The following TRABD2B variants were observed in gnomAD, a reference collection of about 807,000 sequenced individuals.
TRABD2B encodes the protein TraB domain containing 2B.
A neutral mutation model predicts 40.1 loss-of-function variants in TRABD2B; 14 were observed. The ratio of observed to expected loss-of-function variants is 0.35; its 90% CI spans 0.23 to 0.55. TRABD2B has a LOEUF of 0.55. Among genes scored for constraint, TRABD2B ranks in the 20% least tolerant of loss-of-function variants. The probability of loss-of-function intolerance (pLI) is 0.90; values close to 1 mark genes in which losing one functional copy is unlikely to be tolerated. For synonymous variants in TRABD2B, 263 were observed against 277.0 expected (o/e 0.95, Z 0.50); for missense variants, 541 against 648.6 (o/e 0.83, Z 1.80).
intron 2 of TRABD2B, among the ~76,000 whole-genome samples, chr1:47,816,210 T>C (rs1202171712): frequency 6.6e-6 from 1 of 152,222 alleles, no homozygotes; most frequent in Non-Finnish European, 1.5e-5. Context: ...GCCCGGGGTC[T>C]GGGCTGCATC....
chr1:47,909,575 AGGAGGAG>A (rs1186401350), intron 2 of TRABD2B, among the ~76,000 whole-genome samples: 8 of 140,722 alleles, frequency 5.7e-5, no homozygotes, highest in African/African-American at 2.1e-4. Flanking sequence ...GAGGAGGAGG[AGGAGGAG>A]GAGGAGGAGG....
intron 2 of TRABD2B, among the ~76,000 whole-genome samples, chr1:47,992,174 C>A (rs1022780923): frequency 6.6e-6 from 1 of 152,158 alleles, no homozygotes; most frequent in African/African-American, 2.4e-5. Flanking sequence ...TGGGCCCAGG[C>A]TGGTGATGGG....
intron 2 of TRABD2B, among the ~76,000 whole-genome samples, chr1:47,949,720 T>C (rs977061184): frequency 2.0e-5 from 3 of 152,004 alleles, no homozygotes; most frequent in Non-Finnish European, 4.4e-5. Flanking sequence ...TGATTGTACT[T>C]TCTAGGCTAT....
intron 2 of TRABD2B, among the ~76,000 whole-genome samples, chr1:47,989,880 A>T (rs927582320): frequency 3.3e-5 from 5 of 152,182 alleles, no homozygotes; most frequent in African/African-American, 1.2e-4. Context: ...CCTGAGTTTG[A>T]ACACTGAGTC....
At chr1:47,913,646 G>A (rs1021788446) in intron 2 of TRABD2B, among the ~76,000 whole-genome samples, 1 of 152,200 alleles carries the variant, frequency 6.6e-6, no homozygotes, top group African/African-American at 2.4e-5. Context: ...GAACCGCTAT[G>A]AAAGCAGTCC....
Position 47,813,683 on chromosome 1 carries a change from A to G in TRABD2B, c.667-12064T>C, listed in dbSNP as rs1644994285. Among the ~76,000 whole-genome samples, 3 of 152,126 alleles carry G rather than the reference A, an allele frequency of 2.0e-5. No individual in the cohort carries two copies. The highest frequency in any genetic ancestry group is 1.3e-4 in the Admixed American group (2 of 15,270). The stretch of plus-strand genomic sequence containing the variant: ...TTGTAAAGCAATATTGCCCTTCCTT[A>G]GGACACATACCCACACCCACACACA... On this transcript the variant is annotated intron_variant, in intron 2 of 6. Coordinates refer to ENST00000606738, the MANE Select transcript of TRABD2B (RefSeq NM_001194986.2). The surrounding 1 kb of genome is among the most constrained non-coding windows in gnomAD (Gnocchi z 4.3).
chr1:47,893,725 C>T (rs924325779), intron 2 of TRABD2B, among the ~76,000 whole-genome samples: 1 of 152,164 alleles, frequency 6.6e-6, no homozygotes, highest in Non-Finnish European at 1.5e-5. Flanking sequence ...ACCTTCCTAG[C>T]GTTGTTCCAG....
chr1:47,997,116 C>T lies in TRABD2B; in HGVS notation c.-327G>A, dbSNP rs568123561. The T allele has an allele frequency of 2.0e-6, 2 of 982,942 alleles. No individual in the cohort carries two copies. Among genetic ancestry groups the T allele is most frequent in the Non-Finnish European group, 1.2e-6 (1 of 828,766 alleles). 60.9% of individuals were successfully genotyped at this position (982,942 alleles called of 1,614,324 possible). On this transcript the variant is annotated 5_prime_UTR_variant, in exon 1 of 7. Transcript: ENST00000606738. Reference sequence around the variant, plus strand: ...GGAGCTGCGTCGCGGTCCAGGGGCGCGCGGGGTTCCTGGGGCAGAACCGAG... The same window carrying T: ...GGAGCTGCGTCGCGGTCCAGGGGCGTGCGGGGTTCCTGGGGCAGAACCGAG...
intron 2 of TRABD2B, among the ~76,000 whole-genome samples, chr1:47,848,903 G>A (rs1451392036): frequency 1.3e-5 from 2 of 152,190 alleles, no homozygotes; most frequent in Non-Finnish European, 2.9e-5. Flanking sequence ...AGGATATTAG[G>A]CTATCTTCCC....
intron 2 of TRABD2B, among the ~76,000 whole-genome samples, chr1:47,845,049 G>A (rs1346139479): frequency 1.3e-5 from 2 of 152,262 alleles, no homozygotes. Context: ...TCCTGTGCAG[G>A]CATCCACCCA....
At chr1:47,854,130 T>G (rs1052955522) in intron 2 of TRABD2B, among the ~76,000 whole-genome samples, 2 of 152,262 alleles carry the variant, frequency 1.3e-5, no homozygotes, top group Non-Finnish European at 2.9e-5. Flanking sequence ...TATGTCATTT[T>G]GGGCAGGCCA....
chr1:47,789,825 C>T (rs1317144606), intron 4 of TRABD2B, among the ~76,000 whole-genome samples: 1 of 152,096 alleles, frequency 6.6e-6, no homozygotes, highest in Non-Finnish European at 1.5e-5. Flanking sequence ...CACCTTGCTG[C>T]CTTCTTGGAA....
At chr1:47,949,869 T>A (rs1645315929) in intron 2 of TRABD2B, among the ~76,000 whole-genome samples, 2 of 152,200 alleles carry the variant, frequency 1.3e-5, no homozygotes, top group African/African-American at 4.8e-5. Context: ...AAAATAAACA[T>A]ATTTACCAAG....
intron 2 of TRABD2B, among the ~76,000 whole-genome samples, chr1:47,903,301 C>T (rs182391660): frequency 4.9e-4 from 75 of 152,266 alleles, no homozygotes; most frequent in Admixed American, 7.8e-4. Flanking sequence ...CTTCTGACAC[C>T]CCTCTGCCTA....
At chr1:47,789,748 A>G (rs1459643851) in intron 4 of TRABD2B, among the ~76,000 whole-genome samples, 1 of 152,040 alleles carries the variant, frequency 6.6e-6, no homozygotes, top group Non-Finnish European at 1.5e-5. Flanking sequence ...CCCTTCAGTT[A>G]CAGGTGAAGA....
intron 2 of TRABD2B, among the ~76,000 whole-genome samples, chr1:47,906,609 T>C (rs1482119311): frequency 6.6e-6 from 1 of 152,186 alleles, no homozygotes; most frequent in Non-Finnish European, 1.5e-5. Flanking sequence ...TCCCCAAGCC[T>C]AGACGGGTAA....
chr1:47,857,328 T>C (rs1302782095), intron 2 of TRABD2B, among the ~76,000 whole-genome samples: 8 of 152,148 alleles, frequency 5.3e-5, no homozygotes, highest in Non-Finnish European at 1.0e-4. Context: ...CTCATCTTCT[T>C]AGCCTGCAGA....
intron 2 of TRABD2B, among the ~76,000 whole-genome samples, chr1:47,849,321 G>A (rs1000517641): frequency 3.9e-5 from 6 of 152,162 alleles, no homozygotes; most frequent in Admixed American, 6.5e-5. Context: ...GGACAATCAC[G>A]AGAAGAGGCA....
At chr1:47,802,907 T>A (rs1453032784) in intron 2 of TRABD2B, among the ~76,000 whole-genome samples, 1 of 152,100 alleles carries the variant, frequency 6.6e-6, no homozygotes, top group Non-Finnish European at 1.5e-5. Context: ...GGCTAGCTCT[T>A]GAGTAGAGCC....
Sources: allele counts gnomAD v4.1 joint callset (sites outside exome capture counted in the v4.1 genomes callset), GRCh38; gene constraint gnomAD v4.1.1; non-coding constraint Gnocchi (gnomAD v3.1); transcripts MANE v1.5; gene names NCBI Gene and HGNC (gene_info 2026-07-23, HGNC 2026-07-21).